DACH2: variants seen among roughly 807,000 people sequenced by gnomAD.
DACH2 encodes the protein dachshund homolog 2.
DACH2 carries 17 observed loss-of-function variants against 35.8 expected under a neutral mutation model. The ratio of observed to expected loss-of-function variants is 0.48; its 90% CI spans 0.33 to 0.71. DACH2 has a LOEUF of 0.71. Ranked by LOEUF, DACH2 falls within the 30% of genes least tolerant of loss-of-function variation. The probability of loss-of-function intolerance (pLI) is 0.02; values close to 1 mark genes in which losing one functional copy is unlikely to be tolerated. For missense variants in DACH2, 469 were observed against 472.7 expected (o/e 0.99, Z 0.07); for synonymous variants, 195 against 177.3 (o/e 1.10, Z -0.79).
chrX:86,313,347 A>G (rs1406551516), intron 1 of DACH2, among the ~76,000 whole-genome samples: 2 of 111,928 alleles, frequency 1.8e-5, no homozygotes, highest in Non-Finnish European at 3.8e-5. Context: ...TTTCAGATAC[A>G]TAGTAAGTAG....
intron 1 of DACH2, among the ~76,000 whole-genome samples, chrX:86,296,930 A>G (rs942935507): frequency 4.6e-5 from 5 of 109,389 alleles, no homozygotes; most frequent in Non-Finnish European, 7.6e-5. Context: ...TAGCACATAT[A>G]TAGACACACA....
intron 1 of DACH2, among the ~76,000 whole-genome samples, chrX:86,325,424 CTGAT>C (rs1367122138): frequency 2.7e-5 from 3 of 111,522 alleles, no homozygotes; most frequent in African/African-American, 6.6e-5. Flanking sequence ...TTAGATGACT[CTGAT>C]TGTCCTTGGA....
intron 1 of DACH2, among the ~76,000 whole-genome samples, chrX:86,372,013 T>C (rs146279590): frequency 0.011 from 1,227 of 111,358 alleles, 7 homozygotes; most frequent in Non-Finnish European, 0.017. Flanking sequence ...AAACCTAATT[T>C]AGTAGTCCCC....
chrX:86,537,659 C>G (rs1224253155), intron 3 of DACH2, among the ~76,000 whole-genome samples: 1 of 111,432 alleles, frequency 9.0e-6, no homozygotes, highest in Non-Finnish European at 1.9e-5. Flanking sequence ...GAATTCTTTG[C>G]TTTTTAGTTA....
chrX:86,490,894 G>T (rs960886858), intron 2 of DACH2, among the ~76,000 whole-genome samples: 2 of 111,072 alleles, frequency 1.8e-5, no homozygotes, highest in East Asian at 5.6e-4. Flanking sequence ...GTAAACATTA[G>T]AATATTTACG....
chrX:86,424,122 C>T (rs1489399361), intron 2 of DACH2, among the ~76,000 whole-genome samples: 3 of 110,191 alleles, frequency 2.7e-5, no homozygotes, highest in African/African-American at 9.9e-5. Context: ...TAATGTGATT[C>T]CTCCAGTTTT....
rs1280962324 is a variant in DACH2 at position 86,218,754 on chromosome X, A to G, written c.488+69646A>G. Among the ~76,000 whole-genome samples the G allele has an allele frequency of 4.5e-5, 5 of 111,976 alleles. No homozygotes were observed. In the East Asian group the frequency reaches 1.1e-3, roughly 25 times the overall value. ...ATAAGTTGAGATTTTAATAAGGACA[A>G]TTGATTTTTATGTTGTTTGTATTCT... On this transcript the variant is annotated intron_variant, in intron 1 of 11. Coordinates refer to ENST00000373125, the MANE Select transcript of DACH2 (RefSeq NM_053281.3).
chrX:86,553,751 G>A (rs1602639099), intron 3 of DACH2, among the ~76,000 whole-genome samples: 1 of 111,802 alleles, frequency 8.9e-6, no homozygotes, highest in South Asian at 3.7e-4. Context: ...AACTATAAAG[G>A]TCAGATGTGT....
At chrX:86,717,768 A>G (rs1366918524) in intron 6 of DACH2, among the ~76,000 whole-genome samples, 1 of 105,061 alleles carries the variant, frequency 9.5e-6, no homozygotes, top group Non-Finnish European at 1.9e-5. Context: ...ATATATACAT[A>G]TATATGAATA....
chrX:86,154,461 C>T (rs1337864581), intron 1 of DACH2, among the ~76,000 whole-genome samples: 1 of 111,449 alleles, frequency 9.0e-6, no homozygotes, highest in Non-Finnish European at 1.9e-5. Context: ...ACCATCTCAA[C>T]CTGCAAAACT....
chrX:86,666,096 T>G lies in DACH2; in HGVS notation c.772+14929T>G, dbSNP rs758809263. Among the ~76,000 whole-genome samples the G allele has an allele frequency of 1.5e-4, 17 of 111,551 alleles. No individual in the cohort carries two copies. In the East Asian group the frequency reaches 4.8e-3, roughly 31 times the overall value. On this transcript the variant is annotated intron_variant, in intron 4 of 11. Coordinates refer to ENST00000373125, the MANE Select transcript of DACH2 (RefSeq NM_053281.3). ...AATTCAGGAAGCTAAATTAATATTT[T>G]GAGTCAACTTGTAGAATGGTCTGAG...
intron 1 of DACH2, among the ~76,000 whole-genome samples, chrX:86,358,341 G>A (rs1341696223): frequency 2.7e-5 from 3 of 109,697 alleles, no homozygotes; most frequent in Non-Finnish European, 3.8e-5. Flanking sequence ...TTGCTTAAAC[G>A]GGCTTGTTCT....
intron 3 of DACH2, among the ~76,000 whole-genome samples, chrX:86,545,693 G>A (rs1156903734): frequency 8.9e-6 from 1 of 111,757 alleles, no homozygotes; most frequent in Non-Finnish European, 1.9e-5. Flanking sequence ...GTTTATTCTG[G>A]TAAGTAGTTT....
intron 1 of DACH2, among the ~76,000 whole-genome samples, chrX:86,178,947 CTGGT>C (rs1375695397): frequency 1.8e-5 from 2 of 111,839 alleles, no homozygotes; most frequent in African/African-American, 6.5e-5. Flanking sequence ...ACTAAATTAA[CTGGT>C]TGACTGAATG....
chrX:86,276,869 T>C (rs373270671), intron 1 of DACH2, among the ~76,000 whole-genome samples: 1 of 111,632 alleles, frequency 9.0e-6, no homozygotes, highest in Non-Finnish European at 1.9e-5. Flanking sequence ...GGCTTCTCTA[T>C]TCTGTTTCAT....
At chrX:86,401,471 C>T (rs969555384) in intron 2 of DACH2, among the ~76,000 whole-genome samples, 1 of 112,074 alleles carries the variant, frequency 8.9e-6, no homozygotes. Context: ...CTGTGTCGCT[C>T]ACGCTGGGAG....
intron 1 of DACH2, among the ~76,000 whole-genome samples, chrX:86,157,477 C>A (rs5968817): frequency 0.021 from 2,358 of 111,463 alleles, 68 homozygotes; most frequent in African/African-American, 0.072. Flanking sequence ...TGCCATTGAT[C>A]TAGTTTTATT....
intron 1 of DACH2, among the ~76,000 whole-genome samples, chrX:86,338,945 C>A (rs187476458): frequency 1.5e-3 from 165 of 112,102 alleles, no homozygotes; most frequent in African/African-American, 5.2e-3. Flanking sequence ...CATCTCTATG[C>A]AAATAAACTA....
intron 3 of DACH2, among the ~76,000 whole-genome samples, chrX:86,554,491 T>C (rs775603785): frequency 5.3e-4 from 59 of 111,954 alleles, no homozygotes; most frequent in African/African-American, 1.7e-3. Context: ...TATAGTAATA[T>C]GTCTTTTATG....
Sources: allele counts gnomAD v4.1 joint callset (sites outside exome capture counted in the v4.1 genomes callset), GRCh38; gene constraint gnomAD v4.1.1; transcripts MANE v1.5; gene names NCBI Gene and HGNC (gene_info 2026-07-23, HGNC 2026-07-21).